Variants in FBXL17 observed in about 807,000 individuals in gnomAD.
The protein encoded by FBXL17 is F-box/LRR-repeat protein 17.
FBXL17 carries 22 observed loss-of-function variants against 66.2 expected under a neutral mutation model. That is an observed-to-expected ratio of 0.33 (90% CI 0.24 to 0.47). The LOEUF (loss-of-function observed/expected upper bound fraction) is 0.47, where lower values mean the gene tolerates loss of function less well. FBXL17 is among the 20% of genes least tolerant of loss of function. FBXL17 has a pLI of 1.00. For synonymous variants in FBXL17, 474 were observed against 400.5 expected (o/e 1.18, Z -2.19); for missense variants, 878 against 948.2 (o/e 0.93, Z 0.97).
At chr5:108,320,200 T>A (rs905606567) in intron 4 of FBXL17, among the ~76,000 whole-genome samples, 1 of 151,808 alleles carries the variant, frequency 6.6e-6, no homozygotes, top group African/African-American at 2.4e-5. Context: ...TGTTTTTGTC[T>A]TTTCATATTT....
intron 8 of FBXL17, among the ~76,000 whole-genome samples, chr5:107,876,099 G>A (rs115349268): frequency 7.0e-4 from 107 of 152,296 alleles, no homozygotes; most frequent in Middle Eastern, 3.4e-3. Flanking sequence ...CCCTCCAGGC[G>A]CCTCTACTGG....
intron 7 of FBXL17, among the ~76,000 whole-genome samples, chr5:108,007,519 A>G (rs11242657): frequency 0.18 from 27,187 of 151,920 alleles, 6,807 homozygotes; most frequent in African/African-American, 0.56. Flanking sequence ...ATTTTCAACC[A>G]GTTTCTTAAA....
At chr5:108,323,335 G>T (rs766545338) in intron 4 of FBXL17, among the ~76,000 whole-genome samples, 17 of 151,152 alleles carry the variant, frequency 1.1e-4, no homozygotes, top group Non-Finnish European at 1.8e-4. Flanking sequence ...AAGAAATTAA[G>T]AGAACTATTC....
intron 3 of FBXL17, among the ~76,000 whole-genome samples, chr5:108,351,018 A>G (rs1198193097): frequency 6.6e-6 from 1 of 152,192 alleles, no homozygotes; most frequent in Non-Finnish European, 1.5e-5. Context: ...TCCCAGGCAA[A>G]TCTGCTGTAG....
intron 6 of FBXL17, among the ~76,000 whole-genome samples, chr5:108,127,448 T>C (rs1488751616): frequency 1.3e-5 from 2 of 152,202 alleles, no homozygotes; most frequent in Admixed American, 6.5e-5. Context: ...GCTCTTCTCT[T>C]ACTCATATAA....
intron 7 of FBXL17, among the ~76,000 whole-genome samples, chr5:107,994,791 T>C (rs576278320): frequency 6.6e-6 from 1 of 152,192 alleles, no homozygotes; most frequent in East Asian, 1.9e-4. Context: ...TGAGCCGAGA[T>C]TGCGCCACTG....
chr5:107,906,315 T>C (rs552060476), intron 7 of FBXL17, among the ~76,000 whole-genome samples: 30 of 152,108 alleles, frequency 2.0e-4, no homozygotes, highest in Non-Finnish European at 3.8e-4. Flanking sequence ...AATGCTTAAT[T>C]GATAAAAACT....
chr5:108,172,508 G>C (rs1029999969), intron 6 of FBXL17, among the ~76,000 whole-genome samples: 2 of 152,122 alleles, frequency 1.3e-5, no homozygotes, highest in Non-Finnish European at 2.9e-5. Context: ...ACAAAATAGA[G>C]AAATTTTTAT....
rs1561388103 is a variant in FBXL17 at position 108,055,278 on chromosome 5, T to TAGAAAAG, written c.1746-34278_1746-34277insCTTTTCT. ...AGATTTTTAAATGACATAGAATTTT[T>TAGAAAAG]AGAAAAAAAAAAAAAAAAAAAAAAA... On this transcript the variant is annotated intron_variant, in intron 6 of 8. Transcript: ENST00000542267. Among the ~76,000 whole-genome samples the TAGAAAAG allele has an allele frequency of 2.4e-3, 182 of 75,230 alleles. 1 individual carries two copies. Among genetic ancestry groups the TAGAAAAG allele is most frequent in the African/African-American group, 9.3e-3 (175 of 18,866 alleles). 49.4% of individuals were successfully genotyped at this position (75,230 alleles called of 152,430 possible). A position where few individuals can be genotyped will look rare whatever the true frequency, so the allele number is the denominator to read the frequency against.
At chr5:108,364,077 A>G (rs897304887) in intron 3 of FBXL17, among the ~76,000 whole-genome samples, 2 of 152,004 alleles carry the variant, frequency 1.3e-5, no homozygotes, top group African/African-American at 4.8e-5. Context: ...GTACTGACAC[A>G]CCCAGTACTC....
At chr5:108,112,036 AG>A (rs1226744744) in intron 6 of FBXL17, among the ~76,000 whole-genome samples, 1 of 152,226 alleles carries the variant, frequency 6.6e-6, no homozygotes, top group Non-Finnish European at 1.5e-5. Flanking sequence ...GGCAAGGGAA[AG>A]GAGATCCCAA....
intron 6 of FBXL17, among the ~76,000 whole-genome samples, chr5:108,180,394 T>C (rs1752954669): frequency 6.6e-6 from 1 of 151,692 alleles, no homozygotes. Flanking sequence ...TAAACCCAGC[T>C]ACTTGGGAGG....
At chr5:108,245,831 T>C (rs1398265249) in intron 4 of FBXL17, among the ~76,000 whole-genome samples, 1 of 152,210 alleles carries the variant, frequency 6.6e-6, no homozygotes, top group Non-Finnish European at 1.5e-5. Context: ...TCAAGACATA[T>C]ACTCATCTCT....
At chr5:108,048,337 C>T (rs1747336671) in intron 6 of FBXL17, among the ~76,000 whole-genome samples, 1 of 152,182 alleles carries the variant, frequency 6.6e-6, no homozygotes, top group African/African-American at 2.4e-5. Context: ...ACTAGACAAA[C>T]TCATGAAGAT....
intron 6 of FBXL17, among the ~76,000 whole-genome samples, chr5:108,109,154 A>G (rs1374815409): frequency 6.6e-6 from 1 of 152,206 alleles, no homozygotes; most frequent in Admixed American, 6.5e-5. Context: ...TGAGATTTAC[A>G]AAAGGAAGGA....
intron 6 of FBXL17, among the ~76,000 whole-genome samples, chr5:108,079,157 T>TC (rs1748668280): frequency 2.0e-5 from 2 of 97,762 alleles, no homozygotes; most frequent in African/African-American, 6.4e-5. Flanking sequence ...CCTCTCTTTC[T>TC]TTTTTTTTTT....
At chr5:108,165,153 T>G (rs940174289) in intron 6 of FBXL17, among the ~76,000 whole-genome samples, 14 of 152,206 alleles carry the variant, frequency 9.2e-5, no homozygotes, top group African/African-American at 3.4e-4. Flanking sequence ...AATAAGAGAT[T>G]TGTTAAATAC....
intron 7 of FBXL17, among the ~76,000 whole-genome samples, chr5:107,948,979 C>T (rs1470371476): frequency 6.6e-6 from 1 of 152,128 alleles, no homozygotes; most frequent in Non-Finnish European, 1.5e-5. Context: ...CTTCTCTCAA[C>T]CTTTGTCTTT....
chr5:107,931,748 G>C (rs1750744335), intron 7 of FBXL17, among the ~76,000 whole-genome samples: 1 of 151,992 alleles, frequency 6.6e-6, no homozygotes, highest in Non-Finnish European at 1.5e-5. Flanking sequence ...ATTTATCCAG[G>C]TGCTCATTCC....
Sources: allele counts gnomAD v4.1 joint callset (sites outside exome capture counted in the v4.1 genomes callset), GRCh38; gene constraint gnomAD v4.1.1; transcripts MANE v1.5; gene names NCBI Gene and HGNC (gene_info 2026-07-23, HGNC 2026-07-21).